TMPRSS9: variants seen among roughly 807,000 people sequenced by gnomAD.
TMPRSS9 encodes transmembrane protease serine 9.
A neutral mutation model predicts 111.4 loss-of-function variants in TMPRSS9; 113 were observed. That is an observed-to-expected ratio of 1.01 (90% confidence interval 0.87 to 1.19). The LOEUF is 1.19. TMPRSS9 is among the 50% of genes most tolerant of loss of function. The pLI is 0.00. For synonymous variants in TMPRSS9, 805 were observed against 659.1 expected (o/e 1.22, Z -3.39); for missense variants, 1,803 against 1,513.1 (o/e 1.19, Z -3.18).
chr19:2,423,137 C>T (rs1219930435), intron 14 of TMPRSS9, among the ~76,000 whole-genome samples: 1 of 151,650 alleles, frequency 6.6e-6, no homozygotes, highest in East Asian at 1.9e-4. Flanking sequence ...GTGTTTCTTG[C>T]TAACTTGGCA....
intron 12 of TMPRSS9, among the ~76,000 whole-genome samples, chr19:2,417,385 G>A (rs1044594718): frequency 5.3e-5 from 8 of 151,210 alleles, no homozygotes; most frequent in Non-Finnish European, 2.9e-5. Flanking sequence ...AGAATTGCTT[G>A]AATCTGGGAG....
intron 15 of TMPRSS9, 60 bp from the exon 17 acceptor site, chr19:2,424,942 A>AG (rs1971571524): frequency 5.0e-6 from 7 of 1,387,964 alleles, no homozygotes; most frequent in Non-Finnish European, 6.5e-6. Context: ...GGGACACCAC[A>AG]GGGGCGGGGG....
At chr19:2,417,073 C>T (rs961373565) in intron 12 of TMPRSS9, among the ~76,000 whole-genome samples, 1 of 152,206 alleles carries the variant, frequency 6.6e-6, no homozygotes, top group Admixed American at 6.5e-5. Context: ...AACAGATTGT[C>T]TATGGCTGCT....
At chr19:2,371,672 G>A (rs1218068334) in intron 1 of TMPRSS9, among the ~76,000 whole-genome samples, 2 of 151,874 alleles carry the variant, frequency 1.3e-5, no homozygotes, top group African/African-American at 4.8e-5. Flanking sequence ...ACTCCAGCCT[G>A]GCGACAGAGC....
At chr19:2,388,190 G>C (rs1970514894), upstream of TMPRSS9, among the ~76,000 whole-genome samples, 1 of 152,180 alleles carries the variant, frequency 6.6e-6, no homozygotes. Flanking sequence ...TCAGGAGTTT[G>C]AGACCAGCTT....
chr19:2,363,643 G>A (rs1950679275), intron 1 of TMPRSS9, among the ~76,000 whole-genome samples: 1 of 151,688 alleles, frequency 6.6e-6, no homozygotes, highest in Admixed American at 6.6e-5. Flanking sequence ...CCGACACTGG[G>A]GCAGGGTTTA....
chr19:2,414,054 G>A (rs1340259897), intron 10 of TMPRSS9, 36 bp downstream of exon 11: 9 of 1,490,882 alleles, frequency 6.0e-6, no homozygotes, highest in African/African-American at 4.2e-5. Context: ...GATGATGTAC[G>A]TGCCTATCTT....
chr19:2,410,210 C>T (rs756487531), intron 8 of TMPRSS9, 48 bp from the exon 10 acceptor site: 2 of 1,604,204 alleles, frequency 1.2e-6, no homozygotes, highest in Non-Finnish European at 1.7e-6. Flanking sequence ...AAAGTGGCTG[C>T]CAGGGCTCCG....
In TMPRSS9 at chr19:2,422,106, C is replaced by T. The variant is rs762742630; in HGVS notation, c.2407C>T (p.Pro803Ser). 16 of 1,602,672 alleles carry T rather than the reference C, an allele frequency of 1.0e-5. No individual in the cohort carries two copies. The South Asian group carries it at 1.2e-4, about 12-fold the overall frequency. Residue 803 changes from proline (P) to serine (S), a missense_variant, in exon 14 of 18, where the codon CCC becomes TCC. Transcript: ENST00000648592. Reference sequence around the variant, plus strand: ...TGGCCTCACAGTCCCGGGGGCCACACCCAGCAGACCCACCCCTGGGGCTGC... The same window carrying T: ...TGGCCTCACAGTCCCGGGGGCCACATCCAGCAGACCCACCCCTGGGGCTGC...
Position 2,425,619 on chromosome 19 carries a change from A to G in TMPRSS9, c.3120+126A>G, listed in dbSNP as rs935361467. ...TGCAGGCTTCTCCAGCGGATCAAGC[A>G]GGGAGCCTTTTTGGCTCTGGAGGAA... On this transcript the variant is annotated intron_variant, in intron 17 of 17. Coordinates refer to ENST00000648592, the Ensembl canonical transcript of TMPRSS9. 78 of 1,375,566 alleles carry G rather than the reference A, an allele frequency of 5.7e-5. No individual in the cohort carries two copies. In the African/African-American group the frequency reaches 1.0e-3, roughly 18 times the overall value. 85.2% of individuals were successfully genotyped at this position (1,375,566 alleles called of 1,614,324 possible).
chr19:2,410,794 C>A (rs552946644), intron 9 of TMPRSS9, among the ~76,000 whole-genome samples: 4 of 152,126 alleles, frequency 2.6e-5, no homozygotes, highest in African/African-American at 9.7e-5. Flanking sequence ...CCCTCCAAAC[C>A]GGGACTTGTG....
chr19:2,417,210 A>G (rs893383449), intron 12 of TMPRSS9, among the ~76,000 whole-genome samples: 7 of 152,178 alleles, frequency 4.6e-5, no homozygotes, highest in Admixed American at 2.6e-4. Context: ...TCACACCTGT[A>G]ATCCCAGCAC....
exon 17 of TMPRSS9, chr19:2,425,384 C>G (rs1477026191): frequency 1.3e-6 from 2 of 1,543,456 alleles, no homozygotes; most frequent in East Asian, 5.0e-5. Flanking sequence ...CTGCAGAAGG[C>G]GGCCGTGCGC....
intron 1 of TMPRSS9, among the ~76,000 whole-genome samples, chr19:2,370,450 G>A (rs893008474): frequency 2.7e-5 from 4 of 150,182 alleles, no homozygotes; most frequent in Non-Finnish European, 5.9e-5. Context: ...AAGTGGGTAG[G>A]TTGGCCAGAT....
In TMPRSS9 at chr19:2,401,742, G is replaced by A. The variant is rs577484724; in HGVS notation, c.515-233G>A. On this transcript the variant is annotated intron_variant, in intron 4 of 17. Coordinates refer to ENST00000648592, the Ensembl canonical transcript of TMPRSS9. ...CCTGCCTCAGCCTCCCGAGTAGCTGGGATTACAGGCGCCCGGCACCACACC... is the reference window on the plus strand; with the variant it reads ...CCTGCCTCAGCCTCCCGAGTAGCTGAGATTACAGGCGCCCGGCACCACACC... Among the ~76,000 whole-genome samples, 30 of 151,694 alleles carry A rather than the reference G, an allele frequency of 2.0e-4. No homozygotes were observed. The South Asian group carries it at 2.1e-3, about 11-fold the overall frequency.
At chr19:2,366,384 G>C (rs1393924242) in intron 1 of TMPRSS9, among the ~76,000 whole-genome samples, 1 of 152,090 alleles carries the variant, frequency 6.6e-6, no homozygotes, top group African/African-American at 2.4e-5. Flanking sequence ...CCAGACAGAA[G>C]AGCCCTGGGA....
chr19:2,386,795 C>G (rs916923744), upstream of TMPRSS9, among the ~76,000 whole-genome samples: 4 of 151,644 alleles, frequency 2.6e-5, no homozygotes, highest in African/African-American at 9.7e-5. Flanking sequence ...AGTTTGAGAA[C>G]AGCCTGGCCA....
At chr19:2,418,307 TTCCCTCCC>T (rs1325544447) in intron 13 of TMPRSS9, among the ~76,000 whole-genome samples, 169 bp downstream of exon 14, 13 of 30,748 alleles carry the variant, frequency 4.2e-4, no homozygotes, top group African/African-American at 2.3e-3. Flanking sequence ...TTCCCTCCCT[TTCCCTCCC>T]TCCCTCCCTC....
At chr19:2,368,297 T>G in intron 1 of TMPRSS9, among the ~76,000 whole-genome samples, 1 of 146,206 alleles carries the variant, frequency 6.8e-6, no homozygotes, top group African/African-American at 2.5e-5. Context: ...TCTACTCCCA[T>G]GGGTGCAGTT....
Sources: allele counts gnomAD v4.1 joint callset (sites outside exome capture counted in the v4.1 genomes callset), GRCh38; gene constraint gnomAD v4.1.1; transcripts MANE v1.5; gene names NCBI Gene and HGNC (gene_info 2026-07-23, HGNC 2026-07-21).